The following CMTM7 variants were observed in gnomAD, a reference collection of about 807,000 sequenced individuals.
CMTM7 encodes CKLF-like MARVEL transmembrane domain-containing protein 7.
Under a neutral mutation model 19.3 loss-of-function variants are expected in CMTM7, and 7 were observed. The ratio of observed to expected loss-of-function variants is 0.36; its 90% CI spans 0.21 to 0.68. CMTM7 has a LOEUF of 0.68. Among genes scored for constraint, CMTM7 ranks in the 30% least tolerant of loss-of-function variants. The probability of loss-of-function intolerance (pLI) is 0.60; values close to 1 mark genes in which losing one functional copy is unlikely to be tolerated. For synonymous variants in CMTM7, 87 were observed against 99.3 expected, an observed-to-expected ratio of 0.88 and a Z score of 0.74; for missense variants, 193 against 232.6, an observed-to-expected ratio of 0.83 and a Z score of 1.11.
intron 1 of CMTM7, among the ~76,000 whole-genome samples, chr3:32,399,164 T>C (rs1262221974): frequency 6.6e-6 from 1 of 151,686 alleles, no homozygotes; most frequent in African/African-American, 2.4e-5. Flanking sequence ...CTAAGAAAAA[T>C]CAGCAAAGCA....
chr3:32,443,922 A>T (rs1696716827), intron 2 of CMTM7, among the ~76,000 whole-genome samples: 1 of 151,964 alleles, frequency 6.6e-6, no homozygotes, highest in African/African-American at 2.4e-5. Context: ...TTGTCTTTTC[A>T]TTATTGAGTT....
chr3:32,416,223 A>C (rs1014987933), intron 1 of CMTM7, among the ~76,000 whole-genome samples: 4 of 148,762 alleles, frequency 2.7e-5, no homozygotes, highest in Non-Finnish European at 6.0e-5. Context: ...TTTGAGACAG[A>C]GTCTTGCTCT....
intron 2 of CMTM7, among the ~76,000 whole-genome samples, chr3:32,443,168 G>C (rs1018446069): frequency 1.1e-4 from 17 of 151,974 alleles, no homozygotes; most frequent in African/African-American, 4.1e-4. Context: ...ACGTGATCGC[G>C]ACTCACTGCA....
intron 1 of CMTM7, 137 bp downstream of exon 1, chr3:32,392,202 CTAAAG>C (rs1559397561): frequency 1.9e-5 from 13 of 687,990 alleles, no homozygotes; most frequent in Non-Finnish European, 2.6e-5. Flanking sequence ...CACCGCGTCG[CTAAAG>C]TTCGCGGCAG....
chr3:32,410,695 C>A (rs867720604), intron 1 of CMTM7, among the ~76,000 whole-genome samples: 5 of 152,014 alleles, frequency 3.3e-5, no homozygotes, highest in Non-Finnish European at 7.4e-5. Flanking sequence ...TCCCACCCCC[C>A]ACAGTTTGCG....
In CMTM7 at chr3:32,454,172, C is replaced by A; in HGVS notation, c.515-69C>A. 3.3e-6 allele frequency: 5 copies of A among 1,533,614 alleles called. No individual in the cohort carries two copies. In the South Asian group the frequency reaches 5.0e-5, roughly 15 times the overall value. On this transcript the variant is annotated intron_variant, in intron 4 of 4. Coordinates refer to ENST00000334983, the MANE Select transcript of CMTM7 (RefSeq NM_138410.4). ...CCCTGAGCAGAACTTGGAGTCAAAC[C>A]TGTGGAGTGTGGCTTGTGGGTGGGC... is the stretch of plus-strand genomic sequence containing the variant.
At chr3:32,416,136 A>G (rs2577824) in intron 1 of CMTM7, among the ~76,000 whole-genome samples, 81,727 of 151,892 alleles carry the variant, frequency 0.54, 22,190 homozygotes, top group South Asian at 0.65. Context: ...GAAGTAGGGG[A>G]AAAGTTTTTG....
At position 32,397,409 on chromosome 3, in the gene CMTM7, G is replaced by T. The variant is rs1003470218; in HGVS notation, c.159+5344G>T. 3.9e-5 allele frequency among the ~76,000 whole-genome samples: 6 copies of T among 152,134 alleles called. No homozygotes were observed. The South Asian group carries it at 6.2e-4, about 16-fold the overall frequency. ...CTTCTTGAAGAACTGGGACATTTCC[G>T]TAAGTTCTGGGTCTTTATTTAGTTA... On this transcript the variant is annotated intron_variant, in intron 1 of 4. Coordinates refer to ENST00000334983, the MANE Select transcript of CMTM7 (RefSeq NM_138410.4).
intron 2 of CMTM7, among the ~76,000 whole-genome samples, chr3:32,448,684 C>G (rs73066799): frequency 0.014 from 2,125 of 150,814 alleles, 27 homozygotes; most frequent in Non-Finnish European, 0.024. Context: ...TGGGCCAAGG[C>G]GAGAAGCAAA....
intron 1 of CMTM7, among the ~76,000 whole-genome samples, chr3:32,412,056 T>C (rs1485509206): frequency 6.6e-6 from 1 of 152,216 alleles, no homozygotes; most frequent in African/African-American, 2.4e-5. Flanking sequence ...TGGTGAAGTA[T>C]GGAGGATCTG....
chr3:32,452,919 ATTTTTTTTTTTTTTTT>A lies in CMTM7; in HGVS notation c.514+465_514+480del, dbSNP rs368112448. The stretch of plus-strand genomic sequence containing the variant: ...GTGTGCACCACCATGCCTAATTTCA[ATTTTTTTTTTTTTTTT>A]TTTTTTTTTTTTTTTTTTAGAGTTG... On this transcript the variant is annotated intron_variant, in intron 4 of 4. Transcript: ENST00000334983. Among the ~76,000 whole-genome samples the A allele has an allele frequency of 8.8e-4, 31 of 35,354 alleles. 1 individual carries two copies. The highest frequency in any genetic ancestry group is 2.7e-3 in the African/African-American group (25 of 9,404). 23.2% of individuals were successfully genotyped at this position (35,354 alleles called of 152,430 possible). A position where few individuals can be genotyped will look rare whatever the true frequency, so the allele number is the denominator to read the frequency against.
intron 1 of CMTM7, among the ~76,000 whole-genome samples, chr3:32,407,888 C>G (rs347127): frequency 6.6e-6 from 1 of 152,026 alleles, no homozygotes. Flanking sequence ...AGATTATTTT[C>G]TAGATGTAGT....
chr3:32,443,401 C>A (rs1696709841), intron 2 of CMTM7, among the ~76,000 whole-genome samples: 1 of 152,068 alleles, frequency 6.6e-6, no homozygotes, highest in Non-Finnish European at 1.5e-5. Context: ...ACCATGCCAG[C>A]CTTTTTATAA....
chr3:32,427,078 A>G (rs561687589), intron 1 of CMTM7, among the ~76,000 whole-genome samples: 1 of 152,368 alleles, frequency 6.6e-6, no homozygotes, highest in South Asian at 2.1e-4. Context: ...AGTTAAGGCC[A>G]CACCACTAGA....
At chr3:32,448,214 C>A (rs1210830118) in intron 2 of CMTM7, among the ~76,000 whole-genome samples, 3 of 152,212 alleles carry the variant, frequency 2.0e-5, no homozygotes, top group Non-Finnish European at 4.4e-5. Context: ...CCCATGTCAT[C>A]CTCCTCTGTC....
intron 1 of CMTM7, among the ~76,000 whole-genome samples, chr3:32,426,935 A>T (rs1696442076): frequency 6.6e-6 from 1 of 152,180 alleles, no homozygotes; most frequent in African/African-American, 2.4e-5. Context: ...ATACTTTATG[A>T]TGTGCTATAT....
At position 32,444,773 on chromosome 3, in the gene CMTM7, C is replaced by T. The variant is rs187912929; in HGVS notation, c.333+2760C>T. Among the ~76,000 whole-genome samples, 52 of 152,154 alleles carry T rather than the reference C, an allele frequency of 3.4e-4. 2 individuals are homozygous for T. Among genetic ancestry groups the T allele is most frequent in the Admixed American group, 3.4e-3 (52 of 15,288 alleles). On this transcript the variant is annotated intron_variant, in intron 2 of 4. Coordinates refer to ENST00000334983, the MANE Select transcript of CMTM7 (RefSeq NM_138410.4). ...TTTTTGTTTGTTGCTTTGTTTGAAACAGGTTCTTGCTCTGTTACCCAGGCT... is the reference window on the plus strand; with the variant it reads ...TTTTTGTTTGTTGCTTTGTTTGAAATAGGTTCTTGCTCTGTTACCCAGGCT...
intron 1 of CMTM7, among the ~76,000 whole-genome samples, chr3:32,416,820 GCAGAGAAAGT>G (rs138919824): frequency 0.03 from 4,576 of 152,158 alleles, 241 homozygotes; most frequent in African/African-American, 0.1. Context: ...AAATTCCAGG[GCAGAGAAAGT>G]CAGAGAAAGT....
intron 1 of CMTM7, among the ~76,000 whole-genome samples, chr3:32,416,172 A>G (rs1559405537): frequency 6.7e-6 from 1 of 150,284 alleles, no homozygotes; most frequent in Non-Finnish European, 1.5e-5. Flanking sequence ...TAATTATGAT[A>G]TATATGTGCA....
Sources: allele counts gnomAD v4.1 joint callset (sites outside exome capture counted in the v4.1 genomes callset), GRCh38; gene constraint gnomAD v4.1.1; transcripts MANE v1.5; gene names NCBI Gene and HGNC (gene_info 2026-07-23, HGNC 2026-07-21).